Variants in OTX2 observed in about 807,000 individuals in gnomAD.
OTX2 encodes orthodenticle homeobox 2, also known as homeobox protein OTX2.
In OTX2, 4 loss-of-function variants were observed where a neutral mutation model predicts 29.0. The ratio of observed to expected loss-of-function variants is 0.14; its 90% CI spans 0.07 to 0.32. OTX2 has a LOEUF of 0.32. OTX2 is among the 10% of genes least tolerant of loss of function. OTX2 has a pLI of 1.00. For missense variants in OTX2, 298 were observed against 365.9 expected (o/e 0.81, Z 1.51); for synonymous variants, 134 against 141.0 (o/e 0.95, Z 0.35).
Position 56,802,551 on chromosome 14 carries a change from A to T in OTX2, c.274-196T>A, listed in dbSNP as rs1319244106. On this transcript the variant is annotated intron_variant, in intron 4 of 4. Coordinates refer to ENST00000672264, the MANE Select transcript of OTX2 (RefSeq NM_021728.4). This position sits in a 1 kb window ranked among gnomAD's most constrained non-coding sequence, Gnocchi z 4.4. ...GAAAGTTGGGGAGGCTCTGTCTAAA[A>T]ACACTTGACACTGTCTTATTTCTTG... is the stretch of plus-strand genomic sequence containing the variant. 6.6e-6 allele frequency among the ~76,000 whole-genome samples: 1 copy of T among 152,196 alleles called. No homozygotes were observed. The highest frequency in any genetic ancestry group is 1.5e-5 in the Non-Finnish European group (1 of 68,040).
chr14:56,807,323 G>A (rs1420501865), intron 2 of OTX2, among the ~76,000 whole-genome samples: 1 of 152,004 alleles, frequency 6.6e-6, no homozygotes, highest in Non-Finnish European at 1.5e-5. Flanking sequence ...AAATACAGTT[G>A]TATATGTGTT....
intron 4 of OTX2, among the ~76,000 whole-genome samples, chr14:56,803,373 G>A (rs1430368312): frequency 1.3e-5 from 2 of 152,214 alleles, no homozygotes; most frequent in Non-Finnish European, 2.9e-5. Context: ...TTTGGTTCAA[G>A]CCTTGCAAGT....
chr14:56,802,365 G>A lies in OTX2; in HGVS notation c.274-10C>T. ...GATTCTTAAACCATACCTTGGAAGGGAAAGAAAATTCTTTAACTCGGTTTT... is the reference window on the plus strand; with the variant it reads ...GATTCTTAAACCATACCTTGGAAGGAAAAGAAAATTCTTTAACTCGGTTTT... On this transcript the variant is annotated splice_polypyrimidine_tract_variant and intron_variant, in intron 4 of 4. Transcript: ENST00000672264. This position sits in a 1 kb window ranked among gnomAD's most constrained non-coding sequence, Gnocchi z 4.4. The A allele has an allele frequency of 1.2e-6, 2 of 1,613,980 alleles. No individual in the cohort carries two copies. The highest frequency in any genetic ancestry group is 1.7e-6 in the Non-Finnish European group (2 of 1,180,016).
chr14:56,805,275 C>G, intron 3 of OTX2, 85 bp downstream of exon 3: 1 of 924,126 alleles, frequency 1.1e-6, no homozygotes, highest in Non-Finnish European at 1.8e-6. Flanking sequence ...CTGCCAACCC[C>G]CGTGTTCCAT....
chr14:56,807,296 CAT>C (rs1354011664), intron 2 of OTX2, among the ~76,000 whole-genome samples: 1 of 152,082 alleles, frequency 6.6e-6, no homozygotes, highest in Non-Finnish European at 1.5e-5. Flanking sequence ...TGTTTAAACA[CAT>C]ATGCGACAGC....
At chr14:56,803,109 A>G (rs1479772492) in intron 4 of OTX2, among the ~76,000 whole-genome samples, 1 of 152,136 alleles carries the variant, frequency 6.6e-6, no homozygotes, top group Non-Finnish European at 1.5e-5. Context: ...CTGACTTACC[A>G]CTTCAACCCC....
intron 2 of OTX2, among the ~76,000 whole-genome samples, chr14:56,808,910 T>A (rs867408504): frequency 6.6e-6 from 1 of 152,194 alleles, no homozygotes; most frequent in African/African-American, 2.4e-5. Context: ...CAAGAGTCAC[T>A]TGAACGCAAC....
intron 3 of OTX2, among the ~76,000 whole-genome samples, chr14:56,805,074 C>T (rs1355150563): frequency 1.3e-5 from 2 of 152,206 alleles, no homozygotes; most frequent in African/African-American, 4.8e-5. Context: ...TAACCTTCCT[C>T]ATCCCACTCT....
At chr14:56,806,387 A>G (rs753776673) in intron 2 of OTX2, among the ~76,000 whole-genome samples, 1 of 152,200 alleles carries the variant, frequency 6.6e-6, no homozygotes, top group Non-Finnish European at 1.5e-5. Context: ...TTTAATAGAC[A>G]CCCATCAAAT....
In OTX2 at chr14:56,805,407, A is replaced by G; in HGVS notation, c.50T>C (p.Leu17Pro). ...CAGCAAGTCCATACCCGAAGTGGTC[A>G]GACTCAGCCCATTGACTGCGTAAGG... ...QPPYAVNGLS[L>P]TTSGMDLLHP... The change falls in exon 3 of 5, where the codon CTG (leucine) becomes CCG (proline). Residue 17 changes from leucine (L) to proline (P), a missense_variant. Coordinates refer to ENST00000672264, the MANE Select transcript of OTX2 (RefSeq NM_021728.4). The G allele has an allele frequency of 6.2e-7, 1 of 1,614,096 alleles. No homozygotes were observed. The highest frequency in any genetic ancestry group is 8.5e-7 in the Non-Finnish European group (1 of 1,179,944).
At chr14:56,808,727 G>A (rs966624681) in intron 2 of OTX2, among the ~76,000 whole-genome samples, 2 of 152,118 alleles carry the variant, frequency 1.3e-5, no homozygotes, top group African/African-American at 4.8e-5. Flanking sequence ...GAATTTCTAG[G>A]AGCGACTTCC....
chr14:56,806,203 A>G (rs1892085168), intron 2 of OTX2, among the ~76,000 whole-genome samples: 1 of 152,204 alleles, frequency 6.6e-6, no homozygotes, highest in South Asian at 2.1e-4. Flanking sequence ...CAAACTTGGA[A>G]AAACCGCTCA....
intron 2 of OTX2, among the ~76,000 whole-genome samples, chr14:56,809,386 AG>A (rs1397351821): frequency 6.6e-6 from 1 of 152,198 alleles, no homozygotes; most frequent in African/African-American, 2.4e-5. Context: ...ATTACAACCC[AG>A]GGTGGTTTGG....
chr14:56,801,989 T>C lies in OTX2; in HGVS notation c.640A>G (p.Thr214Ala), dbSNP rs1891900077. The change falls in exon 5 of 5, where the codon ACC (threonine) becomes GCC (alanine). Residue 214 changes from threonine to alanine, a missense_variant. Thr to Ala is a moderately conservative substitution (Grantham distance 58). Coordinates refer to ENST00000672264, the MANE Select transcript of OTX2 (RefSeq NM_021728.4). This position sits in a 1 kb window ranked among gnomAD's most constrained non-coding sequence, Gnocchi z 4.2. ...FGGMDCGSYL[T>A]PMHHQLPGPG... ...CCGGGAAGCTGGTGATGCATAGGGGTCAAATATGATCCACAGTCCATGCCC... is the reference window on the plus strand; with the variant it reads ...CCGGGAAGCTGGTGATGCATAGGGGCCAAATATGATCCACAGTCCATGCCC... 1 of 1,613,668 alleles carries C rather than the reference T, an allele frequency of 6.2e-7. No homozygotes were observed. Among genetic ancestry groups the C allele is most frequent in the Admixed American group, 1.7e-5 (1 of 59,966 alleles).
chr14:56,803,279 G>A (rs574457333), intron 4 of OTX2, among the ~76,000 whole-genome samples: 7 of 152,302 alleles, frequency 4.6e-5, no homozygotes, highest in South Asian at 2.1e-4. Context: ...TATGGGTGCC[G>A]TAACTGTGGT....
In OTX2 at chr14:56,805,974, C is replaced by T. The variant is rs188127028; in HGVS notation, c.-119-399G>A. Reference sequence around the variant, plus strand: ...TGTCTCAAACAAAACTTGATTGGGGCCATTTGCAGAGACAAAGAACTCTTT... The same window carrying T: ...TGTCTCAAACAAAACTTGATTGGGGTCATTTGCAGAGACAAAGAACTCTTT... On this transcript the variant is annotated intron_variant, in intron 2 of 4. Coordinates refer to ENST00000672264, the MANE Select transcript of OTX2 (RefSeq NM_021728.4). Among the ~76,000 whole-genome samples, 264 of 152,222 alleles carry T rather than the reference C, an allele frequency of 1.7e-3. 4 individuals carry two copies. The highest frequency in any genetic ancestry group is 0.016 in the Admixed American group (251 of 15,304).
chr14:56,808,249 C>T (rs1449205384), intron 2 of OTX2, among the ~76,000 whole-genome samples: 1 of 152,208 alleles, frequency 6.6e-6, no homozygotes, highest in Non-Finnish European at 1.5e-5. Context: ...GGGCACACGT[C>T]CCTTAATTAC....
chr14:56,807,892 C>T (rs1407731954), intron 2 of OTX2, among the ~76,000 whole-genome samples: 1 of 152,144 alleles, frequency 6.6e-6, no homozygotes, highest in Non-Finnish European at 1.5e-5. Flanking sequence ...AAGCTGACCG[C>T]GGTCGCGCGG....
At chr14:56,803,402 C>T (rs1891963230) in intron 4 of OTX2, among the ~76,000 whole-genome samples, 1 of 152,222 alleles carries the variant, frequency 6.6e-6, no homozygotes, top group Admixed American at 6.5e-5. Flanking sequence ...TTCCTCTAAC[C>T]TACTTTGAAA....
Sources: gnomAD v4.1 joint callset for allele counts (sites outside exome capture counted in the v4.1 genomes callset) on GRCh38, gnomAD v4.1.1 for gene constraint, Gnocchi (gnomAD v3.1) non-coding constraint, MANE v1.5 for transcripts, NCBI Gene and HGNC (gene_info 2026-07-23, HGNC 2026-07-21) for gene names.